The following IFI27L1 variants were observed in gnomAD, a reference collection of about 807,000 sequenced individuals.
The protein encoded by IFI27L1 is interferon alpha-inducible protein 27-like protein 1.
IFI27L1 carries 3 observed loss-of-function variants against 9.2 expected under a neutral mutation model. The ratio of observed to expected loss-of-function variants is 0.32; its 90% confidence interval spans 0.15 to 0.84. IFI27L1 has a LOEUF of 0.84. IFI27L1 is among the 40% of genes least tolerant of loss of function. The pLI is 0.56. For missense variants in IFI27L1, 133 were observed against 134.2 expected, an observed-to-expected ratio of 0.99 and a Z score of 0.05; for synonymous variants, 53 against 50.0, an observed-to-expected ratio of 1.06 and a Z score of -0.26.
intron 1 of IFI27L1, among the ~76,000 whole-genome samples, chr14:94,086,255 T>C (rs185244101): frequency 2.0e-5 from 3 of 152,326 alleles, no homozygotes; most frequent in Admixed American, 2.0e-4. Flanking sequence ...CCTTCTGCCA[T>C]GATCGTAAGC....
intron 2 of IFI27L1, 140 bp downstream of exon 2, chr14:94,097,105 T>C: frequency 1.5e-6 from 1 of 657,504 alleles, no homozygotes; most frequent in Non-Finnish European, 2.5e-6. Context: ...TATTCAGGAA[T>C]GAATGACGGG....
chr14:94,087,931 C>T (rs1324243378), intron 1 of IFI27L1, among the ~76,000 whole-genome samples: 1 of 152,180 alleles, frequency 6.6e-6, no homozygotes, highest in African/African-American at 2.4e-5. Context: ...TGGGTTAGAA[C>T]ACGCCATACC....
intron 3 of IFI27L1, among the ~76,000 whole-genome samples, chr14:94,101,589 T>C (rs1886897793): frequency 6.6e-6 from 1 of 152,230 alleles, no homozygotes; most frequent in Non-Finnish European, 1.5e-5. Flanking sequence ...GAGCCCTCAA[T>C]GGTGTCTGTG....
At chr14:94,096,861 G>T in intron 1 of IFI27L1, 26 bp from the exon 2 acceptor site, 2 of 1,374,126 alleles carry the variant, frequency 1.5e-6, no homozygotes, top group Non-Finnish European at 2.1e-6. Flanking sequence ...ACCAGATCCT[G>T]AATAAAGTCA....
chr14:94,091,086 A>T (rs1048958083), intron 1 of IFI27L1, among the ~76,000 whole-genome samples: 2 of 152,232 alleles, frequency 1.3e-5, no homozygotes, highest in African/African-American at 4.8e-5. Context: ...TCTGATGCTC[A>T]TGAACATTTC....
Position 94,087,093 on chromosome 14 carries a change from T to C in IFI27L1, c.-52+5644T>C, listed in dbSNP as rs1482989173. On this transcript the variant is annotated intron_variant, in intron 1 of 4. Coordinates refer to ENST00000555523, the MANE Select transcript of IFI27L1 (RefSeq NM_206949.3). ...AATGAAGACAATTATGTAATTGTTTTGAAGCCAGATTAGAAAGCAATTAAA... is the reference window on the plus strand; with the variant it reads ...AATGAAGACAATTATGTAATTGTTTCGAAGCCAGATTAGAAAGCAATTAAA... Among the ~76,000 whole-genome samples, 7 of 152,244 alleles carry C rather than the reference T, an allele frequency of 4.6e-5. No individual in the cohort carries two copies. In the East Asian group the frequency reaches 1.4e-3, roughly 30 times the overall value.
intron 1 of IFI27L1, among the ~76,000 whole-genome samples, chr14:94,091,464 C>A (rs983943901): frequency 6.6e-6 from 1 of 152,218 alleles, no homozygotes; most frequent in Non-Finnish European, 1.5e-5. Context: ...CCAACCATTT[C>A]ATATTTAACC....
At chr14:94,087,686 A>G (rs1886328717) in intron 1 of IFI27L1, among the ~76,000 whole-genome samples, 1 of 150,964 alleles carries the variant, frequency 6.6e-6, no homozygotes, top group Non-Finnish European at 1.5e-5. Flanking sequence ...TCGGCCTCCC[A>G]AAGTGCTGGG....
At chr14:94,097,378 G>C (rs1462282449) in intron 2 of IFI27L1, 5 of 550,976 alleles carry the variant, frequency 9.1e-6, no homozygotes, top group Non-Finnish European at 1.6e-5. Context: ...GAGCATCTTT[G>C]TAATAGCTCT....
At chr14:94,099,145 C>G (rs1185320080) in intron 2 of IFI27L1, among the ~76,000 whole-genome samples, 1 of 152,206 alleles carries the variant, frequency 6.6e-6, no homozygotes, top group Non-Finnish European at 1.5e-5. Flanking sequence ...GGAGGCACTG[C>G]TGGAGCATGA....
At chr14:94,100,382 T>A in intron 2 of IFI27L1, 1 of 985,360 alleles carries the variant, frequency 1.0e-6, no homozygotes, top group Non-Finnish European at 1.2e-6. Context: ...AGCACCCCAG[T>A]CCCTGCCCCC....
chr14:94,086,933 A>G (rs1477552605), intron 1 of IFI27L1, among the ~76,000 whole-genome samples: 2 of 152,212 alleles, frequency 1.3e-5, no homozygotes, highest in Non-Finnish European at 2.9e-5. Context: ...GTGTCAACCT[A>G]AATAACAAAC....
At chr14:94,102,355 G>A (rs531386174) in intron 4 of IFI27L1, 122 bp from the exon 5 acceptor site, 179 of 615,392 alleles carry the variant, frequency 2.9e-4, no homozygotes, top group Non-Finnish European at 4.7e-4. Context: ...CAGAGGTGGG[G>A]AACAGGGTTG....
At chr14:94,083,661 T>C (rs555964407) in intron 1 of IFI27L1, among the ~76,000 whole-genome samples, 85 of 152,338 alleles carry the variant, frequency 5.6e-4, no homozygotes, top group African/African-American at 2.0e-3. Flanking sequence ...ATGTTAATAA[T>C]TGGTGAATTA....
intron 1 of IFI27L1, among the ~76,000 whole-genome samples, chr14:94,093,363 G>C (rs1267005875): frequency 6.6e-6 from 1 of 151,732 alleles, no homozygotes; most frequent in Non-Finnish European, 1.5e-5. Flanking sequence ...AGTAGAGACG[G>C]GGTTTCACTG....
intron 1 of IFI27L1, among the ~76,000 whole-genome samples, chr14:94,082,880 AT>A (rs1211342384): frequency 3.3e-5 from 5 of 152,350 alleles, no homozygotes; most frequent in African/African-American, 1.2e-4. Context: ...TGAACACAAG[AT>A]CCATTCTTCA....
intron 2 of IFI27L1, chr14:94,100,414 T>G: frequency 1.0e-6 from 1 of 985,374 alleles, no homozygotes; most frequent in Middle Eastern, 5.2e-4. Flanking sequence ...TGTCAGATGT[T>G]CCTGCCAGCC....
At chr14:94,081,944 C>T (rs956810540) in intron 1 of IFI27L1, among the ~76,000 whole-genome samples, 2 of 152,150 alleles carry the variant, frequency 1.3e-5, no homozygotes, top group Non-Finnish European at 2.9e-5. Flanking sequence ...GAAAGAGTCG[C>T]ACATCTCTCA....
At chr14:94,083,806 T>A (rs1886189966) in intron 1 of IFI27L1, among the ~76,000 whole-genome samples, 1 of 152,236 alleles carries the variant, frequency 6.6e-6, no homozygotes, top group South Asian at 2.1e-4. Flanking sequence ...GAAATTGGTT[T>A]AAGCCAGGTG....
Sources: allele counts gnomAD v4.1 joint callset (sites outside exome capture counted in the v4.1 genomes callset), GRCh38; gene constraint gnomAD v4.1.1; transcripts MANE v1.5; gene names NCBI Gene and HGNC (gene_info 2026-07-23, HGNC 2026-07-21).